The following CLIP2 variants were observed in gnomAD, a reference collection of about 807,000 sequenced individuals.
CLIP2 encodes CAP-Gly domain-containing linker protein 2.
Under a neutral mutation model 111.7 loss-of-function variants are expected in CLIP2, and 41 were observed. That is an observed-to-expected ratio of 0.37 (90% CI 0.29 to 0.48). CLIP2 has a LOEUF of 0.48. Among genes scored for constraint, CLIP2 ranks in the 20% least tolerant of loss-of-function variants. The pLI is 0.99. For synonymous variants in CLIP2, 660 were observed against 644.2 expected (o/e 1.02, Z -0.37); for missense variants, 1,160 against 1,422.1 (o/e 0.82, Z 2.96).
rs536978154 is a variant in CLIP2 at position 74,325,382 on chromosome 7, G to T, written c.121+7715G>T. Among the ~76,000 whole-genome samples the T allele has an allele frequency of 1.2e-4, 18 of 152,144 alleles. No homozygotes were observed. The South Asian group carries it at 3.7e-3, about 32-fold the overall frequency. On this transcript the variant is annotated intron_variant, in intron 2 of 16. Coordinates refer to ENST00000223398, the MANE Select transcript of CLIP2 (RefSeq NM_003388.5). ...AGCGTGGCGAGGGACAGCCTGGCCG[G>T]GTGTGACCGAGCACACCTGGAGGCT...
chr7:74,372,411 G>C (rs1448706391), intron 8 of CLIP2, among the ~76,000 whole-genome samples: 19 of 147,880 alleles, frequency 1.3e-4, no homozygotes, highest in South Asian at 4.5e-4. Context: ...TTGGGGGGGG[G>C]GGGGAGTCGA....
chr7:74,388,271 G>A (rs1481253095), intron 12 of CLIP2, among the ~76,000 whole-genome samples: 1 of 152,034 alleles, frequency 6.6e-6, no homozygotes, highest in African/African-American at 2.4e-5. Context: ...GGTAGAGGTT[G>A]CAATAAGTCG....
intron 8 of CLIP2, among the ~76,000 whole-genome samples, chr7:74,369,749 C>T (rs1242386954): frequency 2.9e-5 from 3 of 104,304 alleles, no homozygotes; most frequent in African/African-American, 3.9e-5. Flanking sequence ...TCCAGCTACT[C>T]GGAAGGCTGA....
rs1554317397 is a variant in CLIP2, at chr7:74,400,544, G to A, written c.3055G>A (p.Asp1019Asn). The A allele has an allele frequency of 6.3e-7, 1 of 1,582,580 alleles. No individual in the cohort carries two copies. Residue 1019 changes from aspartate (D) to asparagine (N), a missense_variant, in exon 15 of 17, where the codon GAC becomes AAC. By Grantham distance (23) the Asp-to-Asn change is conservative. Transcript: ENST00000223398. ...KLMEAMRSCP[D>N]KAQTIGNSGS... Reference sequence around the variant, plus strand: ...GATGGAGGCCATGAGGAGCTGCCCTGACAAGGCCCAGGTGAGCCGCGGCTG... The same window carrying A: ...GATGGAGGCCATGAGGAGCTGCCCTAACAAGGCCCAGGTGAGCCGCGGCTG...
intron 1 of CLIP2, among the ~76,000 whole-genome samples, chr7:74,304,784 TC>T (rs1554727487): frequency 3.3e-5 from 5 of 151,718 alleles, no homozygotes; most frequent in Non-Finnish European, 7.4e-5. Flanking sequence ...TGAGATCCTC[TC>T]TTTACATAAA....
intron 6 of CLIP2, 128 bp from the exon 7 acceptor site, chr7:74,360,047 G>A (rs782250917): frequency 2.9e-6 from 2 of 684,176 alleles, no homozygotes; most frequent in Non-Finnish European, 4.9e-6. Context: ...CCCGGCAGGT[G>A]CCAGCAGGGA....
chr7:74,347,309 C>T (rs947248326), intron 3 of CLIP2, among the ~76,000 whole-genome samples: 2 of 152,200 alleles, frequency 1.3e-5, no homozygotes, highest in Non-Finnish European at 2.9e-5. Flanking sequence ...CACTCTGTCG[C>T]CTAGGCTGGA....
chr7:74,340,929 G>A (rs1255265324), intron 3 of CLIP2, among the ~76,000 whole-genome samples: 2 of 152,082 alleles, frequency 1.3e-5, no homozygotes, highest in Admixed American at 1.3e-4. Context: ...AAGGGCAGGG[G>A]GTCTGGGGAC....
intron 1 of CLIP2, among the ~76,000 whole-genome samples, chr7:74,305,634 C>T (rs538699463): frequency 2.4e-4 from 37 of 152,314 alleles, no homozygotes; most frequent in African/African-American, 8.2e-4. Context: ...GCTGGGATTA[C>T]AGGCATGCGC....
In CLIP2 at chr7:74,362,528, CT is replaced by C. The variant is rs3044338; in HGVS notation, c.1320-1709del. 3.5e-4 allele frequency among the ~76,000 whole-genome samples: 43 copies of C among 121,942 alleles called. No homozygotes were observed. In the East Asian group the frequency reaches 5.2e-3, roughly 15 times the overall value. The allele number at this position is 121,942 out of a possible 152,430, so 80.0% of individuals were successfully genotyped here. ...ACAGATCTTTTTTTCTTTTTCTTTT[CT>C]TTTTTTTTTTTTTTTTTGTTTCTTT... is the stretch of plus-strand genomic sequence containing the variant. On this transcript the variant is annotated intron_variant, in intron 7 of 16. Coordinates refer to ENST00000223398, the MANE Select transcript of CLIP2 (RefSeq NM_003388.5).
At chr7:74,398,318 C>A (rs1413079547) in intron 14 of CLIP2, among the ~76,000 whole-genome samples, 1 of 151,910 alleles carries the variant, frequency 6.6e-6, no homozygotes, top group Admixed American at 6.6e-5. Context: ...GAGATTGCGC[C>A]ACTGCACTGC....
chr7:74,389,949 C>G (rs530914837), intron 13 of CLIP2, among the ~76,000 whole-genome samples: 145 of 148,514 alleles, frequency 9.8e-4, no homozygotes, highest in Admixed American at 4.2e-3. Context: ...ATTAGCCAAG[C>G]CTGGTGGTAT....
intron 2 of CLIP2, among the ~76,000 whole-genome samples, chr7:74,328,901 G>T (rs535463730): frequency 2.2e-4 from 33 of 150,256 alleles, no homozygotes; most frequent in African/African-American, 8.0e-4. Context: ...GCTAATTTTT[G>T]TATTATTATT....
intron 2 of CLIP2, among the ~76,000 whole-genome samples, chr7:74,325,077 G>A (rs1432976204): frequency 6.6e-6 from 1 of 152,206 alleles, no homozygotes; most frequent in Non-Finnish European, 1.5e-5. Context: ...TCTGCTCTGG[G>A]AACGGGGTTG....
Position 74,343,628 on chromosome 7 carries a change from C to T in CLIP2, c.678+4624C>T, listed in dbSNP as rs1279026015. On this transcript the variant is annotated intron_variant, in intron 3 of 16. Transcript: ENST00000223398. Reference sequence around the variant, plus strand: ...CTGATGGCAGCCGGGCACGGTGGCTCGTGCCTGTAATCTCAGCACTTTGGG... The same window carrying T: ...CTGATGGCAGCCGGGCACGGTGGCTTGTGCCTGTAATCTCAGCACTTTGGG... Among the ~76,000 whole-genome samples the T allele has an allele frequency of 2.4e-4, 36 of 151,594 alleles. 1 individual carries two copies. Among genetic ancestry groups the T allele is most frequent in the African/African-American group, 8.5e-4 (35 of 41,222 alleles).
At chr7:74,352,607 G>A (rs1554307759) in intron 3 of CLIP2, among the ~76,000 whole-genome samples, 1 of 150,332 alleles carries the variant, frequency 6.7e-6, no homozygotes, top group African/African-American at 2.4e-5. Context: ...TCAAAATTTA[G>A]ATATGGAATA....
chr7:74,364,763 C>T (rs1790428035), intron 8 of CLIP2: 1 of 437,038 alleles, frequency 2.3e-6, no homozygotes, highest in Non-Finnish European at 4.6e-6. Flanking sequence ...TGGCTCACAC[C>T]TATAATCCCA....
chr7:74,404,316 C>T lies in CLIP2; in HGVS notation c.*468C>T. 1 of 163,386 alleles carries T rather than the reference C, an allele frequency of 6.1e-6. No homozygotes were observed. Among genetic ancestry groups the T allele is most frequent in the Non-Finnish European group, 1.3e-5 (1 of 74,504 alleles). 10.1% of individuals were successfully genotyped at this position (163,386 alleles called of 1,614,324 possible). On this transcript the variant is annotated 3_prime_UTR_variant, in exon 17 of 17. Transcript: ENST00000223398. Reference sequence around the variant, plus strand: ...AGGGGGAGCATCCAGTCTTTAAGAGCCAAGTGGGGGCCCCTTTTCCGAAGC... The same window carrying T: ...AGGGGGAGCATCCAGTCTTTAAGAGTCAAGTGGGGGCCCCTTTTCCGAAGC...
At chr7:74,319,031 A>G (rs1245252399) in intron 2 of CLIP2, among the ~76,000 whole-genome samples, 2 of 152,194 alleles carry the variant, frequency 1.3e-5, no homozygotes, top group African/African-American at 2.4e-5. Flanking sequence ...GCAGAAGCCC[A>G]TGGGAAAGGC....
Sources: gnomAD v4.1 joint callset for allele counts (sites outside exome capture counted in the v4.1 genomes callset) on GRCh38, gnomAD v4.1.1 for gene constraint, MANE v1.5 for transcripts, NCBI Gene and HGNC (gene_info 2026-07-23, HGNC 2026-07-21) for gene names.